Variants in DHX8 observed in about 807,000 individuals in gnomAD.
The protein encoded by DHX8 is ATP-dependent RNA helicase DHX8.
DHX8 carries 67 observed loss-of-function variants against 140.7 expected under a neutral mutation model. That is an observed-to-expected ratio of 0.48 (90% CI 0.39 to 0.58). DHX8 has a LOEUF of 0.58. Ranked by LOEUF, DHX8 falls within the 20% of genes least tolerant of loss-of-function variation. DHX8 has a pLI of 0.00. For synonymous variants in DHX8, 533 were observed against 553.2 expected (o/e 0.96, Z 0.51); for missense variants, 887 against 1,550.7 (o/e 0.57, Z 7.19).
downstream of DHX8, chr17:43,530,384 C>T: frequency 6.9e-7 from 1 of 1,439,784 alleles, no homozygotes. Flanking sequence ...CCCTCCTCAA[C>T]TTGAGGGCTG....
chr17:43,503,710 C>T (rs1969340560), intron 11 of DHX8, among the ~76,000 whole-genome samples: 1 of 151,760 alleles, frequency 6.6e-6, no homozygotes, highest in Non-Finnish European at 1.5e-5. Flanking sequence ...GCACAACAGA[C>T]CACATATTGT....
intron 10 of DHX8, among the ~76,000 whole-genome samples, chr17:43,499,433 C>T (rs753839956): frequency 2.0e-5 from 3 of 152,190 alleles, no homozygotes; most frequent in Non-Finnish European, 4.4e-5. Flanking sequence ...CAGCCCAGCA[C>T]ATATGAAATG....
chr17:43,492,384 C>T (rs768234772), intron 5 of DHX8, 92 bp downstream of exon 5: 4 of 922,808 alleles, frequency 4.3e-6, no homozygotes, highest in Non-Finnish European at 6.9e-6. Context: ...GGCAAGTTTA[C>T]AGAATCTGGA....
At chr17:43,490,110 G>A (rs891308003) in intron 2 of DHX8, among the ~76,000 whole-genome samples, 1 of 152,184 alleles carries the variant, frequency 6.6e-6, no homozygotes, top group African/African-American at 2.4e-5. Context: ...GAGTCAGGAA[G>A]TTGGAAACAA....
In DHX8 at chr17:43,506,984, T is replaced by A. The variant is rs1407938161; in HGVS notation, c.1729-19T>A. The A allele has an allele frequency of 6.4e-7, 1 of 1,554,728 alleles. No homozygotes were observed. Among genetic ancestry groups the A allele is most frequent in the Non-Finnish European group, 8.7e-7 (1 of 1,149,374 alleles). ...TCTGGCAGATTTTAATGACCATATT[T>A]ATATTCTGTTGCTTTCAGGCCGTCC... On this transcript the variant is annotated intron_variant, in intron 12 of 22. Transcript: ENST00000262415.
chr17:43,499,141 C>T (rs1486770190), intron 10 of DHX8, among the ~76,000 whole-genome samples, 182 bp downstream of exon 10: 2 of 152,134 alleles, frequency 1.3e-5, no homozygotes, highest in Non-Finnish European at 2.9e-5. Context: ...TTGCTTTTGC[C>T]TGTTGAATTC....
chr17:43,501,347 G>A (rs776322350), intron 11 of DHX8, among the ~76,000 whole-genome samples: 1 of 152,202 alleles, frequency 6.6e-6, no homozygotes, highest in Non-Finnish European at 1.5e-5. Flanking sequence ...AAGAAGGCTT[G>A]TGTGGATGGA....
At chr17:43,526,141 G>C (rs1488867978), downstream of DHX8, 9 of 985,360 alleles carry the variant, frequency 9.1e-6, no homozygotes, top group Non-Finnish European at 1.1e-5. Context: ...GAAGGGGGGG[G>C]TCCTGTCCAG....
intron 9 of DHX8, among the ~76,000 whole-genome samples, chr17:43,496,980 G>A (rs760737356): frequency 3.0e-4 from 46 of 152,024 alleles, no homozygotes; most frequent in Non-Finnish European, 6.0e-4. Context: ...AACTTATATT[G>A]TAGTAGTAAG....
intron 9 of DHX8, among the ~76,000 whole-genome samples, chr17:43,497,454 A>G (rs917693046): frequency 1.3e-5 from 2 of 152,228 alleles, no homozygotes; most frequent in African/African-American, 2.4e-5. Context: ...CCCTAAATGC[A>G]TAGAATTACT....
intron 10 of DHX8, 92 bp downstream of exon 10, chr17:43,499,051 CT>C (rs1969036040): frequency 1.1e-6 from 1 of 933,876 alleles, no homozygotes; most frequent in Non-Finnish European, 1.6e-6. Context: ...GTAAGTAGAA[CT>C]TGGGCCACAG....
chr17:43,498,381 A>G (rs1359194760), intron 9 of DHX8, among the ~76,000 whole-genome samples: 1 of 151,850 alleles, frequency 6.6e-6, no homozygotes, highest in African/African-American at 2.4e-5. Flanking sequence ...TCTTGACCTC[A>G]GGTGATCAGC....
intron 16 of DHX8, among the ~76,000 whole-genome samples, chr17:43,510,474 A>G (rs184731399): frequency 6.6e-6 from 1 of 152,304 alleles, no homozygotes; most frequent in Admixed American, 6.5e-5. Flanking sequence ...ATGCCATAGT[A>G]TTTGCATGTA....
intron 2 of DHX8, among the ~76,000 whole-genome samples, chr17:43,489,899 A>G (rs1968405469): frequency 1.3e-5 from 2 of 152,150 alleles, no homozygotes; most frequent in African/African-American, 2.4e-5. Context: ...ATTGATTTTA[A>G]ATTTTGATAG....
chr17:43,514,007 C>G (rs1489552284), intron 17 of DHX8, among the ~76,000 whole-genome samples: 1 of 151,906 alleles, frequency 6.6e-6, no homozygotes, highest in Non-Finnish European at 1.5e-5. Flanking sequence ...GCCACCACGC[C>G]CGGCCCTTTT....
rs1374226709 is a variant in DHX8 at position 43,536,783 on chromosome 17, G to A, written c.*20+285G>A. ...TACCCTGGGCTGAAAGTGGCCCACA[G>A]GCCCACGGGTTGGACAAGCTTGCTT... is the stretch of plus-strand genomic sequence containing the variant. On this transcript the variant is annotated intron_variant, in intron 3 of 3. Coordinates refer to the DHX8 transcript ENST00000589898. Among the ~76,000 whole-genome samples, 6 of 152,266 alleles carry A rather than the reference G, an allele frequency of 3.9e-5. 1 individual carries two copies. The highest frequency in any genetic ancestry group is 4.1e-4 in the South Asian group (2 of 4,838).
intron 2 of DHX8, chr17:43,536,330 G>T: frequency 9.1e-7 from 1 of 1,099,264 alleles, no homozygotes; most frequent in Non-Finnish European, 1.4e-6. Flanking sequence ...TGTGTTTTAG[G>T]AGAGAACAAG....
rs1598140496 is a variant in DHX8, at chr17:43,500,001, T to C, written c.1444T>C (p.Leu482=). ...CCAAGCAGCAATGATGCAGAGTGCC[T>C]TGGCCAAAGAAAGGCGGGAACTCAA... ...LSQAAMMQSA[L]AKERRELKQA... The change falls in exon 11 of 23, where the codon TTG becomes CTG. Residue 482 remains leucine, a synonymous_variant. Transcript: ENST00000262415. The C allele has an allele frequency of 1.9e-6, 3 of 1,614,128 alleles. No individual in the cohort carries two copies. In the East Asian group the frequency reaches 6.7e-5, roughly 36 times the overall value.
At chr17:43,535,856 T>C (rs1971215474) in intron 2 of DHX8, among the ~76,000 whole-genome samples, 1 of 152,198 alleles carries the variant, frequency 6.6e-6, no homozygotes, top group African/African-American at 2.4e-5. Flanking sequence ...CTCACGCCTG[T>C]AGTCCCAACA....
Sources: gnomAD v4.1 joint callset for allele counts (sites outside exome capture counted in the v4.1 genomes callset) on GRCh38, gnomAD v4.1.1 for gene constraint, MANE v1.5 for transcripts, NCBI Gene and HGNC (gene_info 2026-07-23, HGNC 2026-07-21) for gene names.